The following SEC63 variants were observed in gnomAD, a reference collection of about 807,000 sequenced individuals.
The protein encoded by SEC63 is SEC63 protein translocation regulator, also known as translocation protein SEC63 homolog.
A neutral mutation model predicts 116.2 loss-of-function variants in SEC63; 56 were observed. The observed-to-expected ratio is 0.48, with a 90% CI of 0.39 to 0.60. SEC63 has a LOEUF of 0.60. Among genes scored for constraint, SEC63 ranks in the 20% least tolerant of loss-of-function variants. SEC63 has a pLI of 0.00. For synonymous variants in SEC63, 273 were observed against 294.6 expected (o/e 0.93, Z 0.75); for missense variants, 668 against 900.0 (o/e 0.74, Z 3.30).
chr6:107,917,873 A>G (rs1448435506), intron 4 of SEC63, among the ~76,000 whole-genome samples: 1 of 152,358 alleles, frequency 6.6e-6, no homozygotes, highest in East Asian at 1.9e-4. Context: ...GCTGATTTGG[A>G]AGCTGCAGCA....
intron 16 of SEC63, among the ~76,000 whole-genome samples, chr6:107,885,471 A>G (rs1786506230): frequency 6.6e-6 from 1 of 152,214 alleles, no homozygotes; most frequent in African/African-American, 2.4e-5. Context: ...GCCACTGGAA[A>G]TTACAAAACA....
At chr6:107,882,588 C>T (rs570495642) in intron 17 of SEC63, among the ~76,000 whole-genome samples, 78 of 152,276 alleles carry the variant, frequency 5.1e-4, no homozygotes, top group Non-Finnish European at 9.7e-4. Flanking sequence ...TGTTTCTCTA[C>T]AGTAAACATG....
chr6:107,919,958 T>C (rs926237948), intron 4 of SEC63, among the ~76,000 whole-genome samples: 6 of 152,136 alleles, frequency 3.9e-5, no homozygotes, highest in African/African-American at 1.4e-4. Context: ...TTTTAAGAAA[T>C]TGTCACAGCC....
rs1024183023 is a variant in SEC63, at chr6:107,900,630, A to G, written c.1357+740T>C. Among the ~76,000 whole-genome samples, 5 of 152,200 alleles carry G rather than the reference A, an allele frequency of 3.3e-5. No individual in the cohort carries two copies. In the East Asian group the frequency reaches 9.7e-4, roughly 29 times the overall value. ...ACCACTGCACTCCAGCCTGGACGAC[A>G]GAGTGAGACCCTGTCTCAAAAATTA... On this transcript the variant is annotated intron_variant, in intron 13 of 20. Coordinates refer to ENST00000369002, the MANE Select transcript of SEC63 (RefSeq NM_007214.5).
At chr6:107,888,861 T>C (rs1786604152) in intron 16 of SEC63, among the ~76,000 whole-genome samples, 2 of 152,310 alleles carry the variant, frequency 1.3e-5, no homozygotes, top group East Asian at 1.9e-4. Flanking sequence ...GTGGTTTTTG[T>C]CATTGGTTCT....
chr6:107,908,901 A>G, intron 8 of SEC63, 26 bp downstream of exon 8: 1 of 1,364,592 alleles, frequency 7.3e-7, no homozygotes, highest in Non-Finnish European at 1.0e-6. Context: ...TGTGATTAAT[A>G]GCAAAGTTAC....
At chr6:107,880,958 T>A (rs1442038163) in intron 18 of SEC63, 191 bp downstream of exon 18, 1 of 540,830 alleles carries the variant, frequency 1.8e-6, no homozygotes, top group African/African-American at 1.9e-5. Flanking sequence ...TAACAATCTC[T>A]TTTATAAGCA....
Position 107,909,052 on chromosome 6 carries a change from A to G in SEC63, c.625-17T>C. 2 of 1,544,296 alleles carry G rather than the reference A, an allele frequency of 1.3e-6. No homozygotes were observed. The highest frequency in any genetic ancestry group is 1.8e-6 in the Non-Finnish European group (2 of 1,117,248). On this transcript the variant is annotated splice_polypyrimidine_tract_variant and intron_variant, in intron 7 of 20. Coordinates refer to ENST00000369002, the MANE Select transcript of SEC63 (RefSeq NM_007214.5). Reference sequence around the variant, plus strand: ...CCAAGAGCCCTAAAACACAAAAAAAATTAAACAAGAAAGAAAGTATAAAAA... The same window carrying G: ...CCAAGAGCCCTAAAACACAAAAAAAGTTAAACAAGAAAGAAAGTATAAAAA...
rs754164589 is a variant in SEC63 at position 107,893,689 on chromosome 6, T to C, written c.1501-34A>G. The C allele has an allele frequency of 2.2e-5, 36 of 1,611,754 alleles. No individual in the cohort carries two copies. The South Asian group carries it at 3.3e-4, about 15-fold the overall frequency. The stretch of plus-strand genomic sequence containing the variant: ...CATAACACGTCACACTCTTAAGTTA[T>C]AGCAACAGATTCAATTGAAGGTTGT... On this transcript the variant is annotated intron_variant, in intron 15 of 20. Transcript: ENST00000369002.
chr6:107,872,864 T>C lies in SEC63; in HGVS notation c.2083A>G (p.Thr695Ala), dbSNP rs772975470. The stretch of plus-strand genomic sequence containing the variant: ...TAGGAGTCTGATCTCAGAAACACAG[T>C]ATACTGATAATTTCCAGGCTTGCCT... ...APGKPGNYQY[T>A]VFLRSDSYMG... The change falls in exon 20 of 21, where the codon ACT (threonine) becomes GCT (alanine). Residue 695 changes from threonine (T) to alanine (A), a missense_variant. This residue lies in a region of SEC63 where 85 missense variants were observed against 116.3 expected (regional missense o/e 0.73). Coordinates refer to ENST00000369002, the MANE Select transcript of SEC63 (RefSeq NM_007214.5). 6.4e-6 allele frequency: 10 copies of C among 1,553,394 alleles called. No homozygotes were observed. Among genetic ancestry groups the C allele is most frequent in the South Asian group, 1.2e-5 (1 of 84,714 alleles).
rs767347444 is a variant in SEC63, at chr6:107,904,620, C to T, written c.1054+9G>A. On this transcript the variant is annotated intron_variant, in intron 11 of 20. Transcript: ENST00000369002. Reference sequence around the variant, plus strand: ...AAGTATAACATAATTAACTATATTTCCTCCTCACCTTCACGGTTCCGGGCC... The same window carrying T: ...AAGTATAACATAATTAACTATATTTTCTCCTCACCTTCACGGTTCCGGGCC... 1 of 1,586,800 alleles carries T rather than the reference C, an allele frequency of 6.3e-7. No individual in the cohort carries two copies. Among genetic ancestry groups the T allele is most frequent in the South Asian group, 1.1e-5 (1 of 90,522 alleles).
intron 5 of SEC63, 90 bp downstream of exon 5, chr6:107,913,276 G>GT: frequency 1.1e-6 from 1 of 897,330 alleles, no homozygotes; most frequent in Non-Finnish European, 1.8e-6. Flanking sequence ...TATAAGTTTA[G>GT]TAAGAAAATA....
chr6:107,950,700 G>A (rs1376678920), intron 1 of SEC63, among the ~76,000 whole-genome samples: 1 of 152,152 alleles, frequency 6.6e-6, no homozygotes, highest in East Asian at 1.9e-4. Flanking sequence ...ATTACAGTAG[G>A]CTGCAGAGCC....
At chr6:107,893,137 C>T (rs1476711684) in intron 16 of SEC63, among the ~76,000 whole-genome samples, 3 of 150,292 alleles carry the variant, frequency 2.0e-5, no homozygotes, top group African/African-American at 7.4e-5. Context: ...CACACACACA[C>T]ACACACACAC....
chr6:107,941,375 C>G (rs1423207730), intron 1 of SEC63, among the ~76,000 whole-genome samples: 1 of 152,030 alleles, frequency 6.6e-6, no homozygotes, highest in Non-Finnish European at 1.5e-5. Flanking sequence ...GCTACATAGT[C>G]CTACTACTTA....
At chr6:107,908,511 T>C (rs1424576425) in intron 8 of SEC63, among the ~76,000 whole-genome samples, 1 of 152,162 alleles carries the variant, frequency 6.6e-6, no homozygotes, top group East Asian at 1.9e-4. Flanking sequence ...TTACTGTGTA[T>C]CCTTGAGAGT....
chr6:107,920,908 CATA>C (rs1472725050), intron 4 of SEC63, among the ~76,000 whole-genome samples: 3 of 152,142 alleles, frequency 2.0e-5, no homozygotes, highest in Non-Finnish European at 4.4e-5. Context: ...ATATGTATCT[CATA>C]ATAACAATGC....
intron 4 of SEC63, among the ~76,000 whole-genome samples, chr6:107,918,449 A>G (rs887718268): frequency 6.6e-6 from 1 of 152,134 alleles, no homozygotes; most frequent in Non-Finnish European, 1.5e-5. Context: ...GCACTGAGCA[A>G]TTTCAGAGGC....
At chr6:107,910,436 A>G (rs903149983) in intron 7 of SEC63, among the ~76,000 whole-genome samples, 5 of 152,144 alleles carry the variant, frequency 3.3e-5, no homozygotes, top group African/African-American at 9.7e-5. Flanking sequence ...CCACCTTACT[A>G]TACAGCAAGA....
Sources: gnomAD v4.1 joint callset for allele counts (sites outside exome capture counted in the v4.1 genomes callset) on GRCh38, gnomAD v4.1.1 for gene constraint, gnomAD v4.1.1 regional missense constraint, MANE v1.5 for transcripts, NCBI Gene and HGNC (gene_info 2026-07-23, HGNC 2026-07-21) for gene names.